ZNF320: variants seen among roughly 807,000 people sequenced by gnomAD.
ZNF320 encodes zinc finger gene 320.
ZNF320 carries 2 observed loss-of-function variants against 6.8 expected under a neutral mutation model. That is an observed-to-expected ratio of 0.29 (90% CI 0.12 to 0.93). The LOEUF (loss-of-function observed/expected upper bound fraction) is 0.93. ZNF320 is among the 40% of genes least tolerant of loss of function. The pLI is 0.55. For synonymous variants in ZNF320, 208 were observed against 203.2 expected (o/e 1.02, Z -0.20); for missense variants, 472 against 611.0 (o/e 0.77, Z 2.40).
chr19:52,873,329 G>A (rs2063713258), downstream of ZNF320, among the ~76,000 whole-genome samples: 1 of 152,214 alleles, frequency 6.6e-6, no homozygotes, highest in Non-Finnish European at 1.5e-5. Context: ...GCTTTCTGCA[G>A]TGCATTTGTG....
chr19:52,883,640 C>T, intron 5 of ZNF320: 1 of 455,046 alleles, frequency 2.2e-6, no homozygotes, highest in South Asian at 1.6e-5. Context: ...TGGCACATAC[C>T]TGTAATCCCA....
chr19:52,893,557 G>T (rs1231163855), intron 2 of ZNF320: 1 of 152,130 alleles, frequency 6.6e-6, no homozygotes, highest in Non-Finnish European at 1.5e-5. Context: ...TGAGGCAAAA[G>T]AATCACTTGA....
intron 5 of ZNF320, among the ~76,000 whole-genome samples, chr19:52,882,338 T>C (rs11671330): frequency 0.18 from 27,453 of 152,224 alleles, 2,944 homozygotes; most frequent in South Asian, 0.28. Flanking sequence ...GTATTCTTCA[T>C]ATATACAGTA....
At chr19:52,863,994 A>G (rs1318770274) in exon 6 of ZNF320, 3 of 459,834 alleles carry the variant, frequency 6.5e-6, no homozygotes, top group Non-Finnish European at 8.3e-6. Context: ...AAGATACACA[A>G]GGACAGATTC....
At chr19:52,887,292 C>G (rs67817488) in intron 5 of ZNF320, among the ~76,000 whole-genome samples, 23,729 of 152,076 alleles carry the variant, frequency 0.16, 1,963 homozygotes, top group East Asian at 0.27. Flanking sequence ...GGCTCTTTCC[C>G]TTGCTCCAAC....
upstream of ZNF320, among the ~76,000 whole-genome samples, chr19:52,900,452 C>A (rs896973850): frequency 6.6e-6 from 1 of 152,138 alleles, no homozygotes; most frequent in Non-Finnish European, 1.5e-5. Context: ...AACTAATTCT[C>A]GGGCTTCCTA....
At chr19:52,871,277 C>T (rs900840010), downstream of ZNF320, among the ~76,000 whole-genome samples, 1 of 152,082 alleles carries the variant, frequency 6.6e-6, no homozygotes, top group Non-Finnish European at 1.5e-5. Flanking sequence ...CTAAATTGTG[C>T]CATTGTACTC....
chr19:52,887,260 C>T (rs1600636146), intron 5 of ZNF320, among the ~76,000 whole-genome samples: 1 of 152,034 alleles, frequency 6.6e-6, no homozygotes, highest in East Asian at 1.9e-4. Context: ...TTGTTATTTT[C>T]ACTTAACTCT....
Position 52,881,170 on chromosome 19 carries a change from T to C in ZNF320, c.956A>G (p.His319Arg). The change falls in exon 6 of 6, where the codon CAT (histidine) becomes CGT (arginine). Residue 319 changes from histidine to arginine, a missense_variant. His to Arg is a conservative substitution (Grantham distance 29). Transcript: ENST00000682928. ...TTTCTCTCCAGTGTGAACTCTACGA[T>C]GTCCTGCAAGAGTTGCTCGTTGCTT... ...VFKQRATLAG[H>R]RRVHTGEKPY... 1 of 1,614,194 alleles carries C rather than the reference T, an allele frequency of 6.2e-7. No individual in the cohort carries two copies. Among genetic ancestry groups the C allele is most frequent in the East Asian group, 2.2e-5 (1 of 44,868 alleles).
At chr19:52,882,247 A>C (rs2063945183) in intron 5 of ZNF320, among the ~76,000 whole-genome samples, 1 of 152,228 alleles carries the variant, frequency 6.6e-6, no homozygotes, top group Non-Finnish European at 1.5e-5. Context: ...TAAAGTAAGG[A>C]GTATTTTTCC....
the ZNF320 span, among the ~76,000 whole-genome samples, chr19:52,903,756 C>T: frequency 6.6e-6 from 1 of 151,490 alleles, no homozygotes; most frequent in Non-Finnish European, 1.5e-5. Context: ...ACATACTCAC[C>T]ACAAGAATGG....
Position 52,882,733 on chromosome 19 carries a change from A to C in ZNF320, c.143-750T>G, listed in dbSNP as rs368404447. Among the ~76,000 whole-genome samples the C allele has an allele frequency of 5.4e-4, 82 of 152,272 alleles. No individual in the cohort carries two copies. In the East Asian group the frequency reaches 0.016, roughly 29 times the overall value. ...GGAGGCAGGCACATCGCCTCAGGTT[A>C]GGAGTTTGACCAACCTGGCCAACAT... On this transcript the variant is annotated intron_variant, in intron 5 of 5. Coordinates refer to ENST00000682928, the MANE Select transcript of ZNF320 (RefSeq NM_001351774.2).
At chr19:52,890,391 T>C (rs2147870493) in intron 3 of ZNF320, 63 bp from the exon 4 acceptor site, 3 of 1,285,644 alleles carry the variant, frequency 2.3e-6, no homozygotes, top group East Asian at 4.7e-5. Flanking sequence ...CATAACACAA[T>C]GACACATACA....
At chr19:52,870,297 G>A (rs558213811) in intron 5 of ZNF320, among the ~76,000 whole-genome samples, 2 of 151,552 alleles carry the variant, frequency 1.3e-5, no homozygotes, top group Admixed American at 6.6e-5. Flanking sequence ...TGGCTAACAC[G>A]GTGAAACCTC....
chr19:52,864,378 CTAAATA>C (rs1449953952), intron 5 of ZNF320, among the ~76,000 whole-genome samples: 1 of 152,074 alleles, frequency 6.6e-6, no homozygotes, highest in Non-Finnish European at 1.5e-5. Context: ...CAAATAAAAA[CTAAATA>C]TAGTGTTTTC....
At chr19:52,893,013 C>CT (rs1600656129) in intron 2 of ZNF320, among the ~76,000 whole-genome samples, 1 of 150,108 alleles carries the variant, frequency 6.7e-6, no homozygotes, top group East Asian at 1.9e-4. Context: ...TTTTTTTTTT[C>CT]ACTTTTGCTG....
downstream of ZNF320, among the ~76,000 whole-genome samples, chr19:52,873,732 G>A (rs780348970): frequency 6.6e-6 from 1 of 152,090 alleles, no homozygotes; most frequent in African/African-American, 2.4e-5. Flanking sequence ...ACACCATGGG[G>A]CCCACACCCC....
At chr19:52,866,468 G>A (rs1348331658) in intron 5 of ZNF320, among the ~76,000 whole-genome samples, 2 of 151,902 alleles carry the variant, frequency 1.3e-5, no homozygotes, top group Non-Finnish European at 2.9e-5. Flanking sequence ...GGACTCACAC[G>A]TCTTCATTCA....
chr19:52,867,015 G>A (rs777224934), intron 5 of ZNF320, among the ~76,000 whole-genome samples: 5 of 151,688 alleles, frequency 3.3e-5, no homozygotes, highest in Admixed American at 6.6e-5. Context: ...TTCACTATGC[G>A]TAAGATATAA....
Sources: allele counts gnomAD v4.1 joint callset (sites outside exome capture counted in the v4.1 genomes callset), GRCh38; gene constraint gnomAD v4.1.1; transcripts MANE v1.5; gene names NCBI Gene and HGNC (gene_info 2026-07-23, HGNC 2026-07-21).